The following TBC1D14 variants were observed in gnomAD, a reference collection of about 807,000 sequenced individuals.
The protein encoded by TBC1D14 is TBC1 domain family member 14, also known as TBC1 domain family, member 14.
A neutral mutation model predicts 79.0 loss-of-function variants in TBC1D14; 26 were observed. The ratio of observed to expected loss-of-function variants is 0.33; its 90% confidence interval spans 0.24 to 0.46. TBC1D14 has a LOEUF of 0.46. Among genes scored for constraint, TBC1D14 ranks in the 20% least tolerant of loss-of-function variants. The pLI is 1.00. For synonymous variants in TBC1D14, 394 were observed against 349.9 expected (o/e 1.13, Z -1.40); for missense variants, 769 against 887.6 (o/e 0.87, Z 1.70).
intron 1 of TBC1D14, among the ~76,000 whole-genome samples, chr4:6,920,185 C>T (rs562264465): frequency 1.3e-4 from 20 of 152,006 alleles, no homozygotes; most frequent in Non-Finnish European, 2.1e-4. Context: ...TCATTTAATT[C>T]CTTCACATTT....
At chr4:6,943,166 A>G (rs6816660) in intron 2 of TBC1D14, among the ~76,000 whole-genome samples, 136,037 of 151,918 alleles carry the variant, frequency 0.9, 60,967 homozygotes, top group East Asian at 0.98. Context: ...GAGTTCTGAG[A>G]GCCAGCCGTG....
chr4:6,981,855 G>A (rs1026832279), intron 3 of TBC1D14, among the ~76,000 whole-genome samples: 4 of 152,126 alleles, frequency 2.6e-5, no homozygotes, highest in Admixed American at 2.6e-4. Flanking sequence ...AAGAAGAAAT[G>A]GAAGAGAACT....
Position 6,919,862 on chromosome 4 carries a change from G to A in TBC1D14, c.-17-3511G>A, listed in dbSNP as rs1270497154. ...TCTCAAACTCCTGACTTCGTGATCTGCCCGCCTTGGCCTCCCAAAGTACTG... is the reference window on the plus strand; with the variant it reads ...TCTCAAACTCCTGACTTCGTGATCTACCCGCCTTGGCCTCCCAAAGTACTG... On this transcript the variant is annotated intron_variant, in intron 1 of 13. Coordinates refer to ENST00000409757, the MANE Select transcript of TBC1D14 (RefSeq NM_020773.3). Among the ~76,000 whole-genome samples, 9 of 152,154 alleles carry A rather than the reference G, an allele frequency of 5.9e-5. No individual in the cohort carries two copies. In the East Asian group the frequency reaches 1.5e-3, roughly 26 times the overall value.
chr4:7,022,827 T>C (rs1284159594), intron 12 of TBC1D14, among the ~76,000 whole-genome samples: 4 of 150,614 alleles, frequency 2.7e-5, no homozygotes, highest in Non-Finnish European at 4.4e-5. Context: ...AAGAATATTA[T>C]GTTAAATAAA....
At chr4:6,951,594 C>CA (rs1457361249) in intron 2 of TBC1D14, among the ~76,000 whole-genome samples, 1 of 152,196 alleles carries the variant, frequency 6.6e-6, no homozygotes, top group Non-Finnish European at 1.5e-5. Context: ...CCCTCCCTCA[C>CA]AGACTTTGTC....
chr4:6,924,657 C>A (rs565685657), intron 2 of TBC1D14, among the ~76,000 whole-genome samples: 1 of 152,318 alleles, frequency 6.6e-6, no homozygotes, highest in East Asian at 1.9e-4. Context: ...GCATTCCCAA[C>A]GTGCTGGGCC....
At chr4:6,998,084 C>G (rs568055219) in intron 5 of TBC1D14, among the ~76,000 whole-genome samples, 7 of 152,078 alleles carry the variant, frequency 4.6e-5, no homozygotes, top group Non-Finnish European at 1.0e-4. Flanking sequence ...AAGAGTAATG[C>G]TCAAGGCTGG....
At chr4:6,944,843 C>T (rs535762061) in intron 2 of TBC1D14, among the ~76,000 whole-genome samples, 1 of 152,232 alleles carries the variant, frequency 6.6e-6, no homozygotes, top group Non-Finnish European at 1.5e-5. Flanking sequence ...CTCACTATCC[C>T]CGGGGCAGAG....
chr4:6,990,190 C>A (rs1175510452), intron 3 of TBC1D14, among the ~76,000 whole-genome samples: 2 of 152,200 alleles, frequency 1.3e-5, no homozygotes, highest in Non-Finnish European at 2.9e-5. Context: ...TGGCTCACGC[C>A]TGTAATCCCA....
chr4:6,915,362 G>A (rs536185597), intron 1 of TBC1D14, among the ~76,000 whole-genome samples: 1 of 152,290 alleles, frequency 6.6e-6, no homozygotes, highest in East Asian at 1.9e-4. Context: ...AGGGGGTTGG[G>A]GGTCACTGCA....
chr4:6,925,579 G>A (rs1724228665), intron 2 of TBC1D14, among the ~76,000 whole-genome samples: 1 of 152,194 alleles, frequency 6.6e-6, no homozygotes, highest in South Asian at 2.1e-4. Context: ...ATGATCTGTG[G>A]TGTGGTCTGT....
At chr4:7,013,255 C>T (rs1001080369) in intron 11 of TBC1D14, among the ~76,000 whole-genome samples, 7 of 152,230 alleles carry the variant, frequency 4.6e-5, no homozygotes, top group African/African-American at 9.6e-5. Context: ...TCCATATCCC[C>T]GTGCCAGCAG....
intron 3 of TBC1D14, among the ~76,000 whole-genome samples, chr4:6,986,354 G>C (rs1304140903): frequency 6.6e-6 from 1 of 152,224 alleles, no homozygotes; most frequent in East Asian, 1.9e-4. Context: ...GTTCCAGGGA[G>C]TATGGTAGGG....
intron 3 of TBC1D14, among the ~76,000 whole-genome samples, chr4:6,982,548 T>G (rs1717472136): frequency 1.3e-5 from 2 of 152,200 alleles, no homozygotes; most frequent in Non-Finnish European, 2.9e-5. Context: ...TTAGAAGTCA[T>G]AGGACTATAT....
chr4:6,923,545 C>T lies in TBC1D14; in HGVS notation c.156C>T (p.Leu52=), dbSNP rs202214482. 5.0e-5 allele frequency: 80 copies of T among 1,614,072 alleles called. No homozygotes were observed. The highest frequency in any genetic ancestry group is 6.3e-5 in the Non-Finnish European group (74 of 1,180,046). ...SAPEYGPKLK[L]RALEDRHSLQ... ...CTGAGTACGGGCCCAAGCTGAAACTCAGGGCTTTAGAAGACCGGCACAGCC... is the reference window on the plus strand; with the variant it reads ...CTGAGTACGGGCCCAAGCTGAAACTTAGGGCTTTAGAAGACCGGCACAGCC... The change falls in exon 2 of 14, where the codon CTC becomes CTT. Residue 52 remains leucine, a synonymous_variant. Coordinates refer to ENST00000409757, the MANE Select transcript of TBC1D14 (RefSeq NM_020773.3).
Position 7,003,354 on chromosome 4 carries a change from C to A in TBC1D14, c.1271-1490C>A, listed in dbSNP as rs369758095. Among the ~76,000 whole-genome samples, 5 of 152,332 alleles carry A rather than the reference C, an allele frequency of 3.3e-5. No homozygotes were observed. In the South Asian group the frequency reaches 1.0e-3, roughly 32 times the overall value. On this transcript the variant is annotated intron_variant, in intron 7 of 13. Transcript: ENST00000409757. ...GCCACACAGTGGTTTTCATCCACCT[C>A]CTGCCAAAATGACCAAAGCTTGGCC...
At chr4:7,003,986 C>T (rs1253473925) in intron 7 of TBC1D14, among the ~76,000 whole-genome samples, 2 of 151,902 alleles carry the variant, frequency 1.3e-5, no homozygotes, top group African/African-American at 4.8e-5. Context: ...CCAGCCTGGG[C>T]GACAGAGCAA....
At chr4:6,934,922 T>C (rs1015874502) in intron 2 of TBC1D14, among the ~76,000 whole-genome samples, 1 of 151,490 alleles carries the variant, frequency 6.6e-6, no homozygotes, top group Non-Finnish European at 1.5e-5. Flanking sequence ...TACAAAAAAA[T>C]AGAAAAAATT....
intron 4 of TBC1D14, chr4:6,995,213 G>A (rs1265953082): frequency 2.6e-5 from 4 of 152,202 alleles, no homozygotes; most frequent in Non-Finnish European, 4.4e-5. Context: ...ATACCAAGAT[G>A]CTTAGAACTA....
Sources: gnomAD v4.1 joint callset for allele counts (sites outside exome capture counted in the v4.1 genomes callset) on GRCh38, gnomAD v4.1.1 for gene constraint, MANE v1.5 for transcripts, NCBI Gene and HGNC (gene_info 2026-07-23, HGNC 2026-07-21) for gene names.